CASS4: variants seen among roughly 807,000 people sequenced by gnomAD.
The protein encoded by CASS4 is Cas scaffold protein family member 4.
In CASS4, 22 loss-of-function variants were observed where a neutral mutation model predicts 54.2. The ratio of observed to expected loss-of-function variants is 0.41; its 90% CI spans 0.29 to 0.58. The LOEUF (loss-of-function observed/expected upper bound fraction) is 0.58. Among genes scored for constraint, CASS4 ranks in the 20% least tolerant of loss-of-function variants. The pLI is 0.36. For synonymous variants in CASS4, 409 were observed against 391.5 expected, an observed-to-expected ratio of 1.04 and a Z score of -0.53; for missense variants, 854 against 986.7, an observed-to-expected ratio of 0.87 and a Z score of 1.80.
At chr20:56,456,301 T>G (rs1422973138) in intron 5 of CASS4, among the ~76,000 whole-genome samples, 1 of 151,990 alleles carries the variant, frequency 6.6e-6, no homozygotes, top group Admixed American at 6.6e-5. Flanking sequence ...ATTTTTCACC[T>G]CCCTACGGTT....
intron 1 of CASS4, among the ~76,000 whole-genome samples, chr20:56,436,286 A>G (rs936173860): frequency 5.3e-5 from 8 of 151,764 alleles, no homozygotes; most frequent in Non-Finnish European, 7.4e-5. Flanking sequence ...TACATGACAG[A>G]GAGAGAGATA....
intron 1 of CASS4, among the ~76,000 whole-genome samples, chr20:56,413,143 C>T (rs559401040): frequency 4.0e-5 from 6 of 150,532 alleles, no homozygotes; most frequent in African/African-American, 1.2e-4. Flanking sequence ...TTGAGTCCAG[C>T]CTGGGCAACA....
chr20:56,438,863 TAAAC>T (rs565234872), intron 2 of CASS4, among the ~76,000 whole-genome samples: 12 of 152,200 alleles, frequency 7.9e-5, no homozygotes, highest in East Asian at 5.8e-4. Flanking sequence ...ATCTCAAAAA[TAAAC>T]AAACAAACAA....
chr20:56,445,771 G>A, intron 2 of CASS4, 129 bp from the exon 3 acceptor site: 1 of 634,274 alleles, frequency 1.6e-6, no homozygotes, highest in East Asian at 2.9e-5. Context: ...CCTGCCAGCG[G>A]GGGTGCCGGG....
At chr20:56,426,671 A>G (rs966806580) in intron 1 of CASS4, among the ~76,000 whole-genome samples, 3 of 151,642 alleles carry the variant, frequency 2.0e-5, no homozygotes, top group African/African-American at 7.3e-5. Flanking sequence ...CACCTAGCCC[A>G]TGTTCAAGCC....
chr20:56,456,507 G>A (rs1287175275), intron 5 of CASS4, among the ~76,000 whole-genome samples: 1 of 151,974 alleles, frequency 6.6e-6, no homozygotes, highest in East Asian at 1.9e-4. Flanking sequence ...CTGAGTAGCT[G>A]GGACTACAGG....
At chr20:56,425,120 T>C (rs181213213) in intron 1 of CASS4, among the ~76,000 whole-genome samples, 7 of 152,208 alleles carry the variant, frequency 4.6e-5, no homozygotes, top group Admixed American at 6.5e-5. Flanking sequence ...GCCTGGGTCT[T>C]TGTACACAGT....
intron 1 of CASS4, among the ~76,000 whole-genome samples, chr20:56,422,678 T>C (rs1979465866): frequency 6.6e-6 from 1 of 152,166 alleles, no homozygotes; most frequent in Non-Finnish European, 1.5e-5. Context: ...GTTCCTTTAA[T>C]GTGTGGCTTT....
rs180767301 is a variant in CASS4 at position 56,436,422 on chromosome 20, C to A, written c.37-742C>A. 2.6e-3 allele frequency among the ~76,000 whole-genome samples: 375 copies of A among 145,284 alleles called. 4 individuals carry two copies. The highest frequency in any genetic ancestry group is 9.4e-3 in the African/African-American group (369 of 39,198). ...ATGTTGGGTACATATATATATCAAC[C>A]CGTCATATATAGTGTGTGTGTGTAT... On this transcript the variant is annotated intron_variant, in intron 1 of 5. Coordinates refer to ENST00000679887, the MANE Select transcript of CASS4 (RefSeq NM_020356.4).
Position 56,452,589 on chromosome 20 carries a change from T to C in CASS4, c.1413T>C (p.Tyr471=). 6.2e-7 allele frequency: 1 copy of C among 1,614,148 alleles called. No homozygotes were observed. The highest frequency in any genetic ancestry group is 1.1e-5 in the South Asian group (1 of 91,076). ...FVSRKWRFRD[Y]LEANIDAIHR... ...GCAGGAAGTGGAGATTCCGAGACTA[T>C]CTGGAGGCCAACATTGATGCAATCC... Residue 471 remains tyrosine (Y), a synonymous_variant, in exon 5 of 6, where the codon TAT becomes TAC. Coordinates refer to ENST00000679887, the MANE Select transcript of CASS4 (RefSeq NM_020356.4).
chr20:56,451,333 G>T (rs1980985223), intron 4 of CASS4, among the ~76,000 whole-genome samples: 1 of 152,190 alleles, frequency 6.6e-6, no homozygotes, highest in South Asian at 2.1e-4. Flanking sequence ...TCTGTGTTGG[G>T]CAAAGGACTT....
intron 3 of CASS4, among the ~76,000 whole-genome samples, chr20:56,447,716 T>A (rs913007692): frequency 2.0e-5 from 3 of 152,198 alleles, no homozygotes; most frequent in African/African-American, 7.2e-5. Context: ...CACATCCTCG[T>A]GACATTCCCT....
rs552490739 is a variant in CASS4, at chr20:56,430,791, G to A, written c.37-6373G>A. On this transcript the variant is annotated intron_variant, in intron 1 of 5. Coordinates refer to ENST00000679887, the MANE Select transcript of CASS4 (RefSeq NM_020356.4). The surrounding 1 kb of genome is among the most constrained non-coding windows in gnomAD (Gnocchi z 4.2). ...GAGACCCAGAGGAGGAGGATCTGGC[G>A]GAAGAGAGTTCTGGGCAGAAGGAAC... 6.6e-5 allele frequency among the ~76,000 whole-genome samples: 10 copies of A among 152,272 alleles called. No homozygotes were observed. The highest frequency in any genetic ancestry group is 3.9e-4 in the East Asian group (2 of 5,186).
At chr20:56,420,348 A>G (rs1398920571) in intron 1 of CASS4, among the ~76,000 whole-genome samples, 1 of 152,058 alleles carries the variant, frequency 6.6e-6, no homozygotes, top group Non-Finnish European at 1.5e-5. Flanking sequence ...CCATCTGGTT[A>G]ACAGTAAGTG....
intron 2 of CASS4, among the ~76,000 whole-genome samples, chr20:56,443,474 A>C (rs914576283): frequency 2.0e-5 from 3 of 148,764 alleles, no homozygotes; most frequent in Admixed American, 1.3e-4. Flanking sequence ...GTCTCCAAAA[A>C]AAAAAAGAAG....
intron 2 of CASS4, among the ~76,000 whole-genome samples, chr20:56,442,513 G>C (rs1204068604): frequency 6.6e-6 from 1 of 151,664 alleles, no homozygotes; most frequent in East Asian, 1.9e-4. Context: ...TTACAGCTCT[G>C]TAACTTATAT....
chr20:56,458,692 C>T lies in CASS4; in HGVS notation c.2306C>T (p.Ala769Val), dbSNP rs141299799. The change falls in exon 6 of 6, where the codon GCG becomes GTG. Residue 769 changes from alanine to valine, a missense_variant. Ala to Val is a moderately conservative substitution (Grantham distance 64). Coordinates refer to ENST00000679887, the MANE Select transcript of CASS4 (RefSeq NM_020356.4). ...CCTGCCGCGCTGGGGCACCTCCAGG[C>T]GGAGGCTGAGAAGCTGGAGCAACAC... ...PSPAALGHLQ[A>V]EAEKLEQHTR... The T allele has an allele frequency of 1.9e-5, 31 of 1,612,174 alleles. No individual in the cohort carries two copies. Among genetic ancestry groups the T allele is most frequent in the Non-Finnish European group, 2.3e-5 (27 of 1,179,516 alleles).
In CASS4 at chr20:56,437,025, C is replaced by G; in HGVS notation, c.37-139C>G. The G allele has an allele frequency of 1.3e-6, 1 of 767,334 alleles. No individual in the cohort carries two copies. Among genetic ancestry groups the G allele is most frequent in the Non-Finnish European group, 2.1e-6 (1 of 485,584 alleles). The allele number at this position is 767,334 out of a possible 1,614,324, so 47.5% of individuals were successfully genotyped here. A position where few individuals can be genotyped will look rare whatever the true frequency, so the allele number is the denominator to read the frequency against. Reference sequence around the variant, plus strand: ...GAAGGAACAAATCAAAGAGCAGGGACAAGAGCCTCTGGGGTGGAAGAAATG... The same window carrying G: ...GAAGGAACAAATCAAAGAGCAGGGAGAAGAGCCTCTGGGGTGGAAGAAATG... On this transcript the variant is annotated intron_variant, in intron 1 of 5. Coordinates refer to ENST00000679887, the MANE Select transcript of CASS4 (RefSeq NM_020356.4). The surrounding 1 kb of genome is among the most constrained non-coding windows in gnomAD (Gnocchi z 4.7).
chr20:56,451,506 GC>G (rs3838042), intron 4 of CASS4, among the ~76,000 whole-genome samples: 82,344 of 151,888 alleles, frequency 0.54, 22,803 homozygotes, highest in African/African-American at 0.66. Context: ...AGAAAGGGTT[GC>G]CAAGGGCATT....
Sources: gnomAD v4.1 joint callset for allele counts (sites outside exome capture counted in the v4.1 genomes callset) on GRCh38, gnomAD v4.1.1 for gene constraint, Gnocchi (gnomAD v3.1) non-coding constraint, MANE v1.5 for transcripts, NCBI Gene and HGNC (gene_info 2026-07-23, HGNC 2026-07-21) for gene names.